Variants in CST4 observed in about 807,000 individuals in gnomAD.
CST4 encodes cystatin S, also known as cystatin-S.
In CST4, 17 loss-of-function variants were observed where a neutral mutation model predicts 11.2. That is an observed-to-expected ratio of 1.52 (90% CI 1.04 to 2.27). CST4 has a LOEUF of 2.27. Ranked by LOEUF, CST4 falls within the 30% of genes most tolerant of loss-of-function variation. The pLI is 0.00. For missense variants in CST4, 251 were observed against 180.2 expected (o/e 1.39, Z -2.25); for synonymous variants, 93 against 70.1 (o/e 1.33, Z -1.63).
chr20:23,687,284 C>T (rs1478404983), intron 1 of CST4, 83 bp from the exon 2 acceptor site: 45 of 1,224,708 alleles, frequency 3.7e-5, no homozygotes, highest in Middle Eastern at 3.8e-4. Context: ...GGCTGAGTCA[C>T]TGGACTTGCT....
Position 23,688,950 on chromosome 20 carries a change from G to T in CST4, c.20C>A (p.Thr7Asn). MARPLC[T>N]LLLLMATLAG... is the part of the protein sequence containing the mutation. ...CAGGGTAGCCATCAGGAGTAGCAGG[G>T]TACACAGAGGCCGGGCCATGGTCTC... The change falls in exon 1 of 3, where the codon ACC (threonine) becomes AAC (asparagine). Residue 7 changes from threonine to asparagine, a missense_variant. Transcript: ENST00000217423. 6.2e-7 allele frequency: 1 copy of T among 1,614,078 alleles called. No homozygotes were observed. The highest frequency in any genetic ancestry group is 8.5e-7 in the Non-Finnish European group (1 of 1,179,994).
chr20:23,687,329 A>G, intron 1 of CST4, 128 bp from the exon 2 acceptor site: 1 of 817,616 alleles, frequency 1.2e-6, no homozygotes, highest in South Asian at 1.6e-5. Context: ...TGTCAACACA[A>G]GGCACACAAG....
chr20:23,688,135 C>T (rs541617962), intron 1 of CST4, among the ~76,000 whole-genome samples: 10 of 152,372 alleles, frequency 6.6e-5, no homozygotes, highest in Middle Eastern at 3.4e-3. Flanking sequence ...AACCCCTCCT[C>T]TGCTCTGCTG....
intron 1 of CST4, 97 bp downstream of exon 1, chr20:23,688,645 A>G (rs1435099172): frequency 3.5e-6 from 4 of 1,129,152 alleles, no homozygotes; most frequent in African/African-American, 3.1e-5. Context: ...GCATTAGATC[A>G]TGAATGTGTC....
chr20:23,685,820 A>G lies in CST4; in HGVS notation c.*74T>C. On this transcript the variant is annotated 3_prime_UTR_variant, in exon 3 of 3. Coordinates refer to ENST00000217423, the MANE Select transcript of CST4 (RefSeq NM_001899.3). The stretch of plus-strand genomic sequence containing the variant: ...GGAGGCCTCCCGCAGGGTGGGGGCC[A>G]CCAGTCCAGGGGTGGGAGCACTACA... 1.3e-6 allele frequency: 2 copies of G among 1,522,856 alleles called. No homozygotes were observed. The highest frequency in any genetic ancestry group is 2.8e-5 in the African/African-American group (2 of 72,572). The allele number at this position is 1,522,856 out of a possible 1,614,324, so 94.3% of individuals were successfully genotyped here. A position where few individuals can be genotyped will look rare whatever the true frequency, so the allele number is the denominator to read the frequency against.
In CST4 at chr20:23,688,961, C is replaced by T. The variant is rs73902132; in HGVS notation, c.9G>A (p.Arg3=). 5.2e-3 allele frequency: 8,436 copies of T among 1,613,834 alleles called. 379 individuals are homozygous for T. The African/African-American group carries it at 0.1, about 19-fold the overall frequency. MA[R]PLCTLLLLMA... ...TCAGGAGTAGCAGGGTACACAGAGG[C>T]CGGGCCATGGTCTCCTCAGAGGCAG... Residue 3 remains arginine (R), a synonymous_variant, in exon 1 of 3, where the codon CGG becomes CGA. Coordinates refer to ENST00000217423, the MANE Select transcript of CST4 (RefSeq NM_001899.3).
In CST4 at chr20:23,685,665, A is replaced by G. The variant is rs183138223; in HGVS notation, c.*229T>C. 52 of 578,668 alleles carry G rather than the reference A, an allele frequency of 9.0e-5. No homozygotes were observed. The East Asian group carries it at 1.2e-3, about 13-fold the overall frequency. The allele number at this position is 578,668 out of a possible 1,614,324, so 35.8% of individuals were successfully genotyped here. ...GGCGATGCTACTGTTTAATTGCAGG[A>G]GGTGGGGGTGTGTGTACCATGTACC... is the stretch of plus-strand genomic sequence containing the variant. On this transcript the variant is annotated 3_prime_UTR_variant, in exon 3 of 3. Coordinates refer to ENST00000217423, the MANE Select transcript of CST4 (RefSeq NM_001899.3).
intron 1 of CST4, among the ~76,000 whole-genome samples, chr20:23,688,020 C>CCAG (rs1981102786): frequency 6.6e-6 from 1 of 152,308 alleles, no homozygotes; most frequent in African/African-American, 2.4e-5. Context: ...CTTTGAATTT[C>CCAG]TAGAAGGTGG....
At chr20:23,687,698 T>G (rs1981093166) in intron 1 of CST4, among the ~76,000 whole-genome samples, 1 of 152,314 alleles carries the variant, frequency 6.6e-6, no homozygotes, top group Admixed American at 6.5e-5. Flanking sequence ...TTGCAGATTA[T>G]AATTGAACCC....
chr20:23,688,954 A>T lies in CST4; in HGVS notation c.16T>A (p.Cys6Ser), dbSNP rs1274805166. The T allele has an allele frequency of 6.2e-7, 1 of 1,614,032 alleles. No homozygotes were observed. The highest frequency in any genetic ancestry group is 1.3e-5 in the African/African-American group (1 of 75,022). The change falls in exon 1 of 3, where the codon TGT becomes AGT. Residue 6 changes from cysteine (C) to serine (S), a missense_variant. Cys to Ser is a moderately radical substitution (Grantham distance 112). Transcript: ENST00000217423. ...GTAGCCATCAGGAGTAGCAGGGTACACAGAGGCCGGGCCATGGTCTCCTCA... is the reference window on the plus strand; with the variant it reads ...GTAGCCATCAGGAGTAGCAGGGTACTCAGAGGCCGGGCCATGGTCTCCTCA... MARPL[C>S]TLLLLMATLA...
chr20:23,686,759 A>G (rs1310284545), intron 2 of CST4, among the ~76,000 whole-genome samples: 1 of 152,044 alleles, frequency 6.6e-6, no homozygotes, highest in African/African-American at 2.4e-5. Flanking sequence ...CACATAGGCA[A>G]CTACGTAAAC....
rs1356194079 is a variant in CST4 at position 23,685,954 on chromosome 20, G to T, written c.366C>A (p.Ile122=). The change falls in exon 3 of 3, where the codon ATC becomes ATA. Residue 122 remains isoleucine (I), a synonymous_variant. Transcript: ENST00000217423. The stretch of plus-strand genomic sequence containing the variant: ...TTCTGTCCTCCCAGGGAACTTCGTA[G>T]ATCTCGAAAGAGCACAACTGTTTCT... ...LQKKQLCSFE[I]YEVPWEDRMS... The T allele has an allele frequency of 1.2e-6, 2 of 1,614,076 alleles. No homozygotes were observed. The highest frequency in any genetic ancestry group is 1.7e-6 in the Non-Finnish European group (2 of 1,179,912).
At chr20:23,688,479 G>A (rs1442804512) in intron 1 of CST4, among the ~76,000 whole-genome samples, 3 of 152,218 alleles carry the variant, frequency 2.0e-5, no homozygotes, top group Non-Finnish European at 4.4e-5. Context: ...CCTGCTGGAC[G>A]CTGGGAAATG....
Position 23,687,189 on chromosome 20 carries a change from C to A in CST4, c.241G>T (p.Val81Leu), listed in dbSNP as rs140501583. 63 of 1,613,664 alleles carry A rather than the reference C, an allele frequency of 3.9e-5. No individual in the cohort carries two copies. The highest frequency in any genetic ancestry group is 5.1e-5 in the Non-Finnish European group (60 of 1,179,914). Residue 81 changes from valine (V) to leucine (L), a missense_variant, in exon 2 of 3, where the codon GTG becomes TTG. Coordinates refer to ENST00000217423, the MANE Select transcript of CST4 (RefSeq NM_001899.3). ...LRAREQTFGG[V>L]NYFFDVEVGR... ...ACCTCTACGTCGAAGAAGTAATTCA[C>A]CCCCCCAAAGGTCTGCACACAGGAG...
rs765216614 is a variant in CST4 at position 23,688,746 on chromosome 20, TC to T, written c.223del (p.Glu75SerfsTer7). ...TCGGGTGGAGGCAGCACCCACCTGCTCCCTGGCTCGCAGCACCTGCAGCGGG... is the reference window on the plus strand; with the variant it reads ...TCGGGTGGAGGCAGCACCCACCTGCTCCTGGCTCGCAGCACCTGCAGCGGG... ...RRPLQVLRAR[E>X]QTFGGVNYFF... On this transcript the variant is annotated frameshift_variant, in exon 1 of 3. Transcript: ENST00000217423. LOFTEE classifies it high-confidence loss of function. 1.9e-6 allele frequency: 3 copies of T among 1,614,060 alleles called. No individual in the cohort carries two copies. Among genetic ancestry groups the T allele is most frequent in the Non-Finnish European group, 2.5e-6 (3 of 1,179,976 alleles).
Position 23,688,918 on chromosome 20 carries a change from C to T in CST4, c.52G>A (p.Ala18Thr), listed in dbSNP as rs779229200. 1 of 1,614,060 alleles carries T rather than the reference C, an allele frequency of 6.2e-7. No homozygotes were observed. The highest frequency in any genetic ancestry group is 8.5e-7 in the Non-Finnish European group (1 of 1,180,040). The stretch of plus-strand genomic sequence containing the variant: ...TCCTCCTTGGAGCTCGAGGCCAGAG[C>T]CCCAGCCAGGGTAGCCATCAGGAGT... Reference protein sequence around the residue: ...LLLLMATLAGALASSSKEENR... With the variant: ...LLLLMATLAGTLASSSKEENR... The change falls in exon 1 of 3, where the codon GCT becomes ACT. Residue 18 changes from alanine to threonine, a missense_variant. Ala to Thr is a moderately conservative substitution (Grantham distance 58). Transcript: ENST00000217423.
At chr20:23,686,425 C>G (rs1297058073) in intron 2 of CST4, among the ~76,000 whole-genome samples, 3 of 152,166 alleles carry the variant, frequency 2.0e-5, no homozygotes, top group African/African-American at 7.2e-5. Flanking sequence ...GAGTGCCGCT[C>G]TCCCCTGAGT....
rs571967796 is a variant in CST4 at position 23,689,027 on chromosome 20, G to A, written c.-58C>T. ...CTGCAGGAGAGGAGGGTGAGAGCCC[G>A]AGGCAGGGAGCCCAGACCAGCAGGC... On this transcript the variant is annotated 5_prime_UTR_variant, in exon 1 of 3. Transcript: ENST00000217423. 17 of 1,534,532 alleles carry A rather than the reference G, an allele frequency of 1.1e-5. No individual in the cohort carries two copies. Among genetic ancestry groups the A allele is most frequent in the East Asian group, 9.1e-5 (4 of 44,168 alleles).
At position 23,687,037 on chromosome 20, in the gene CST4, C is replaced by T. The variant is rs143894727; in HGVS notation, c.342+51G>A. 1.1e-3 allele frequency: 1,686 copies of T among 1,605,422 alleles called. 17 individuals carry two copies. The African/African-American group carries it at 0.02, about 19-fold the overall frequency. ...TGGGTAGGACAGAGGCTGACACATA[C>T]GCACCCCTCTGCAGTGCATGACTGG... On this transcript the variant is annotated intron_variant, in intron 2 of 2. Coordinates refer to ENST00000217423, the MANE Select transcript of CST4 (RefSeq NM_001899.3).
Sources: gnomAD v4.1 joint callset for allele counts (sites outside exome capture counted in the v4.1 genomes callset) on GRCh38, gnomAD v4.1.1 for gene constraint, MANE v1.5 for transcripts, NCBI Gene and HGNC (gene_info 2026-07-23, HGNC 2026-07-21) for gene names.